The following GRAMD1B variants were observed in gnomAD, a reference collection of about 807,000 sequenced individuals.
GRAMD1B encodes GRAM domain containing 1B.
In GRAMD1B, 37 loss-of-function variants were observed where a neutral mutation model predicts 99.7. That is an observed-to-expected ratio of 0.37 (90% confidence interval 0.29 to 0.49). GRAMD1B has a LOEUF of 0.49. Among genes scored for constraint, GRAMD1B ranks in the 20% least tolerant of loss-of-function variants. GRAMD1B has a pLI of 0.98. For synonymous variants in GRAMD1B, 427 were observed against 387.6 expected (o/e 1.10, Z -1.19); for missense variants, 888 against 1,009.2 (o/e 0.88, Z 1.63).
intron 1 of GRAMD1B, among the ~76,000 whole-genome samples, chr11:123,472,891 A>G (rs916696707): frequency 5.9e-5 from 9 of 152,146 alleles, no homozygotes; most frequent in African/African-American, 2.2e-4. Flanking sequence ...GCCTTTTCCT[A>G]TTGGCACAAC....
chr11:123,608,672 C>T lies in GRAMD1B; in HGVS notation c.1527C>T (p.Ala509=). 1 of 1,577,154 alleles carries T rather than the reference C, an allele frequency of 6.3e-7. No individual in the cohort carries two copies. Among genetic ancestry groups the T allele is most frequent in the Non-Finnish European group, 8.6e-7 (1 of 1,160,450 alleles). ...TCTTCTGTGCAGGAGAGGTCCAGGC[C>T]TTCTATGAGGACCTGAGTGGCCGGC... The part of the protein sequence containing the change: ...SDTHDEGEVQ[A]FYEDLSGRQY... Residue 509 remains alanine, a synonymous_variant, in exon 12 of 20, where the codon GCC becomes GCT. Transcript: ENST00000635736.
chr11:123,536,164 C>T (rs1414138667), intron 2 of GRAMD1B, among the ~76,000 whole-genome samples: 1 of 152,216 alleles, frequency 6.6e-6, no homozygotes, highest in African/African-American at 2.4e-5. Flanking sequence ...CCTGTAATCT[C>T]AGCACTTTGG....
At chr11:123,414,473 G>A (rs547876067) in intron 1 of GRAMD1B, among the ~76,000 whole-genome samples, 1 of 152,240 alleles carries the variant, frequency 6.6e-6, no homozygotes, top group East Asian at 1.9e-4. Context: ...AACCTTCTGT[G>A]ATAGTACCAG....
intron 1 of GRAMD1B, among the ~76,000 whole-genome samples, chr11:123,422,392 A>G (rs1948475168): frequency 6.6e-6 from 1 of 152,216 alleles, no homozygotes; most frequent in South Asian, 2.1e-4. Flanking sequence ...GTACAGTAGG[A>G]ATGGTTGTCC....
chr11:123,434,455 C>T (rs1026391855), intron 1 of GRAMD1B, among the ~76,000 whole-genome samples: 1 of 152,020 alleles, frequency 6.6e-6, no homozygotes, highest in Admixed American at 6.6e-5. Flanking sequence ...AAGCAGCAAT[C>T]AAGTGAATAG....
intron 1 of GRAMD1B, among the ~76,000 whole-genome samples, chr11:123,442,709 G>T (rs1949463646): frequency 6.6e-6 from 1 of 152,124 alleles, no homozygotes; most frequent in African/African-American, 2.4e-5. Context: ...GGTGGAGGTT[G>T]CAGTGAGCCG....
chr11:123,615,883 G>A (rs966275839), intron 17 of GRAMD1B, among the ~76,000 whole-genome samples: 3 of 152,182 alleles, frequency 2.0e-5, no homozygotes, highest in Admixed American at 6.5e-5. Context: ...GGTCTAGGAC[G>A]GTCCTGGGGA....
chr11:123,423,958 C>T (rs1948553817), intron 1 of GRAMD1B, among the ~76,000 whole-genome samples: 2 of 152,140 alleles, frequency 1.3e-5, no homozygotes, highest in South Asian at 4.1e-4. Flanking sequence ...TCCTTTCTCC[C>T]CTCGGCTTCC....
At chr11:123,589,513 C>T (rs533243517) in intron 4 of GRAMD1B, among the ~76,000 whole-genome samples, 17 of 151,606 alleles carry the variant, frequency 1.1e-4, no homozygotes, top group African/African-American at 3.6e-4. Context: ...GTGCGATCTC[C>T]GCTCACTGCA....
At chr11:123,506,924 G>C (rs909348502) in intron 2 of GRAMD1B, among the ~76,000 whole-genome samples, 1 of 152,146 alleles carries the variant, frequency 6.6e-6, no homozygotes, top group Non-Finnish European at 1.5e-5. Flanking sequence ...TCTCCCTCCT[G>C]CTTTGAGTTC....
Position 123,415,752 on chromosome 11 carries a change from A to G in GRAMD1B, c.-176+56953A>G, listed in dbSNP as rs557103665. Reference sequence around the variant, plus strand: ...CTCCTGTTAGTCTACTGTTTAATGGACTAACTTTGTCATTATGCCTCATAG... The same window carrying G: ...CTCCTGTTAGTCTACTGTTTAATGGGCTAACTTTGTCATTATGCCTCATAG... On this transcript the variant is annotated intron_variant, in intron 1 of 20. Coordinates refer to the GRAMD1B transcript ENST00000638157. Among the ~76,000 whole-genome samples the G allele has an allele frequency of 2.0e-5, 3 of 151,992 alleles. No homozygotes were observed. In the South Asian group the frequency reaches 6.2e-4, roughly 32 times the overall value.
intron 1 of GRAMD1B, among the ~76,000 whole-genome samples, chr11:123,471,647 T>A (rs1328958392): frequency 6.6e-6 from 1 of 152,124 alleles, no homozygotes; most frequent in Non-Finnish European, 1.5e-5. Flanking sequence ...GGTCTTGGTG[T>A]AACAGAGGTC....
At chr11:123,361,675 G>A (rs1330750342) in intron 1 of GRAMD1B, among the ~76,000 whole-genome samples, 1 of 152,158 alleles carries the variant, frequency 6.6e-6, no homozygotes, top group Non-Finnish European at 1.5e-5. Context: ...CAGAAACACT[G>A]CACATATATT....
chr11:123,528,948 G>T (rs549571727), intron 2 of GRAMD1B, among the ~76,000 whole-genome samples: 1 of 152,156 alleles, frequency 6.6e-6, no homozygotes, highest in African/African-American at 2.4e-5. Context: ...TAACTACCAC[G>T]CAACAGCATG....
At chr11:123,601,912 G>A (rs185508079) in intron 8 of GRAMD1B, among the ~76,000 whole-genome samples, 8 of 152,304 alleles carry the variant, frequency 5.3e-5, no homozygotes, top group South Asian at 2.1e-4. Flanking sequence ...TGTCCTGATC[G>A]TGGTTGGCCA....
chr11:123,514,936 C>T (rs1023484804), intron 2 of GRAMD1B, among the ~76,000 whole-genome samples: 1 of 152,162 alleles, frequency 6.6e-6, no homozygotes, highest in Non-Finnish European at 1.5e-5. Context: ...TGGCACTTAG[C>T]ATTTTACTTG....
chr11:123,462,166 A>G (rs576568483), intron 1 of GRAMD1B, among the ~76,000 whole-genome samples: 75 of 150,868 alleles, frequency 5.0e-4, no homozygotes, highest in African/African-American at 1.4e-3. Context: ...ATGAGGTTTC[A>G]CCATGTTAGC....
intron 1 of GRAMD1B, among the ~76,000 whole-genome samples, chr11:123,433,072 G>A (rs1948975637): frequency 6.6e-6 from 1 of 152,084 alleles, no homozygotes; most frequent in African/African-American, 2.4e-5. Context: ...TAGTTTGTCA[G>A]GCCAGGGGCG....
At chr11:123,573,063 G>A (rs887030163) in intron 2 of GRAMD1B, among the ~76,000 whole-genome samples, 98 of 150,808 alleles carry the variant, frequency 6.5e-4, no homozygotes, top group African/African-American at 2.3e-3. Context: ...GGTAGGCCCC[G>A]ATGGCTGGGG....
Sources: allele counts gnomAD v4.1 joint callset (sites outside exome capture counted in the v4.1 genomes callset), GRCh38; gene constraint gnomAD v4.1.1; transcripts MANE v1.5; gene names NCBI Gene and HGNC (gene_info 2026-07-23, HGNC 2026-07-21).